Variants in PIWIL3 observed in about 807,000 individuals in gnomAD.
PIWIL3 encodes piwi like RNA-mediated gene silencing 3.
Under a neutral mutation model 109.7 loss-of-function variants are expected in PIWIL3, and 101 were observed. That is an observed-to-expected ratio of 0.92 (90% CI 0.78 to 1.09). The LOEUF (loss-of-function observed/expected upper bound fraction) is 1.09, where lower values mean the gene tolerates loss of function less well. PIWIL3 is among the 50% of genes least tolerant of loss of function. PIWIL3 has a pLI of 0.00. For synonymous variants in PIWIL3, 373 were observed against 376.4 expected, an observed-to-expected ratio of 0.99 and a Z score of 0.10; for missense variants, 1,031 against 1,072.6, an observed-to-expected ratio of 0.96 and a Z score of 0.54.
intron 1 of PIWIL3, among the ~76,000 whole-genome samples, chr22:24,771,642 A>G (rs1195435626): frequency 1.3e-5 from 2 of 152,164 alleles, no homozygotes; most frequent in Non-Finnish European, 2.9e-5. Flanking sequence ...CTTGTCCTTC[A>G]TAACCAACAT....
chr22:24,745,210 A>G lies in PIWIL3; in HGVS notation c.1449+3697T>C, dbSNP rs1249745492. 7.9e-5 allele frequency among the ~76,000 whole-genome samples: 12 copies of G among 152,364 alleles called. No homozygotes were observed. In the East Asian group the frequency reaches 2.1e-3, roughly 27 times the overall value. ...TGACATACCAAAACCTATGGGATACAGCGAAAGCAGTAATAAGAGGGAATT... is the reference window on the plus strand; with the variant it reads ...TGACATACCAAAACCTATGGGATACGGCGAAAGCAGTAATAAGAGGGAATT... On this transcript the variant is annotated intron_variant, in intron 12 of 20. Coordinates refer to ENST00000616349, the MANE Select transcript of PIWIL3 (RefSeq NM_001255975.1).
intron 12 of PIWIL3, among the ~76,000 whole-genome samples, chr22:24,739,018 G>C: frequency 6.6e-6 from 1 of 152,170 alleles, no homozygotes; most frequent in East Asian, 1.9e-4. Flanking sequence ...CTACAAAGAG[G>C]TTGAAATAAT....
intron 12 of PIWIL3, among the ~76,000 whole-genome samples, chr22:24,737,824 C>T (rs941977800): frequency 6.6e-6 from 1 of 152,126 alleles, no homozygotes; most frequent in Middle Eastern, 3.2e-3. Context: ...TCCCTATGGG[C>T]CTGTGGTGGT....
At chr22:24,719,704 T>C (rs1381006200) in intron 20 of PIWIL3, 44 bp downstream of exon 20, 3 of 1,578,060 alleles carry the variant, frequency 1.9e-6, no homozygotes, top group Non-Finnish European at 2.6e-6. Flanking sequence ...TGTTGAATAG[T>C]ACATTTAAAA....
At chr22:24,747,175 A>G (rs973074199) in intron 12 of PIWIL3, among the ~76,000 whole-genome samples, 2 of 152,148 alleles carry the variant, frequency 1.3e-5, no homozygotes, top group Non-Finnish European at 2.9e-5. Context: ...AAATAAATCC[A>G]TATCTACTGT....
intron 4 of PIWIL3, 81 bp downstream of exon 4, chr22:24,757,827 G>T: frequency 6.9e-7 from 1 of 1,452,228 alleles, no homozygotes; most frequent in Non-Finnish European, 9.2e-7. Context: ...GACAGAGCAG[G>T]ACCTTGTCTC....
At chr22:24,762,358 C>G (rs921852690) in intron 2 of PIWIL3, 40 bp downstream of exon 2, 2 of 1,595,430 alleles carry the variant, frequency 1.3e-6, no homozygotes, top group Admixed American at 3.5e-5. Context: ...AGTACAGGCA[C>G]ATATCTCTTG....
chr22:24,724,808 G>A (rs1922894414), intron 18 of PIWIL3, 79 bp downstream of exon 18: 6 of 1,460,522 alleles, frequency 4.1e-6, no homozygotes. Context: ...CTGGGCTCAA[G>A]GGATCTGCCC....
At chr22:24,734,728 G>T (rs1170914495) in intron 13 of PIWIL3, among the ~76,000 whole-genome samples, 3 of 152,034 alleles carry the variant, frequency 2.0e-5, no homozygotes, top group Non-Finnish European at 4.4e-5. Context: ...TTCCAGCAGG[G>T]GGAGGGGAAA....
chr22:24,743,275 G>C (rs1264925723), intron 12 of PIWIL3, among the ~76,000 whole-genome samples: 1 of 152,082 alleles, frequency 6.6e-6, no homozygotes, highest in Non-Finnish European at 1.5e-5. Flanking sequence ...CAACCACTCT[G>C]GAAAACAGTG....
chr22:24,754,266 C>G (rs1171899129), intron 7 of PIWIL3, 49 bp from the exon 8 acceptor site: 1 of 1,490,592 alleles, frequency 6.7e-7, no homozygotes, highest in South Asian at 1.2e-5. Flanking sequence ...CACATAAAGC[C>G]AAGGGTTTCC....
chr22:24,769,262 C>G (rs1388324648), intron 1 of PIWIL3, among the ~76,000 whole-genome samples: 1 of 152,136 alleles, frequency 6.6e-6, no homozygotes, highest in Non-Finnish European at 1.5e-5. Context: ...GCAGGAATGT[C>G]CAATCTTTTG....
chr22:24,744,177 T>TAAA (rs751591202), intron 12 of PIWIL3, among the ~76,000 whole-genome samples: 1 of 35,840 alleles, frequency 2.8e-5, no homozygotes, highest in African/African-American at 1.2e-4. Context: ...AGTGACCGAA[T>TAAA]TAAAAAAAAA....
chr22:24,773,703 ATTTTTTTTTTT>A (rs61034646), intron 1 of PIWIL3, among the ~76,000 whole-genome samples: 2 of 110,202 alleles, frequency 1.8e-5, no homozygotes, highest in Admixed American at 1.0e-4. Context: ...GACACTCTAG[ATTTTTTTTTTT>A]TTTTTTTTTT....
At chr22:24,756,818 G>A (rs996300715) in intron 4 of PIWIL3, 113 bp from the exon 5 acceptor site, 31 of 905,174 alleles carry the variant, frequency 3.4e-5, no homozygotes, top group Non-Finnish European at 5.1e-5. Context: ...GGTGGCTCAC[G>A]CCTCTAATCC....
intron 12 of PIWIL3, among the ~76,000 whole-genome samples, chr22:24,736,620 G>GA: frequency 6.6e-6 from 1 of 152,284 alleles, no homozygotes; most frequent in Non-Finnish European, 1.5e-5. Context: ...ACCTTCATAG[G>GA]AACCAAACAT....
intron 8 of PIWIL3, among the ~76,000 whole-genome samples, chr22:24,753,615 C>T (rs1034580791): frequency 1.3e-5 from 2 of 152,146 alleles, no homozygotes; most frequent in Admixed American, 1.3e-4. Context: ...TTCTTTAAAT[C>T]CATTCTCTTA....
chr22:24,722,166 T>C (rs1016257259), intron 19 of PIWIL3, among the ~76,000 whole-genome samples: 3 of 152,172 alleles, frequency 2.0e-5, no homozygotes, highest in African/African-American at 7.2e-5. Flanking sequence ...CACTGCAAGC[T>C]CCGCCTCCCT....
At chr22:24,768,686 G>A (rs1276537495) in intron 1 of PIWIL3, among the ~76,000 whole-genome samples, 1 of 152,220 alleles carries the variant, frequency 6.6e-6, no homozygotes, top group East Asian at 1.9e-4. Context: ...GCCAGCCACT[G>A]TGAACAGACA....
Sources: gnomAD v4.1 joint callset for allele counts (sites outside exome capture counted in the v4.1 genomes callset) on GRCh38, gnomAD v4.1.1 for gene constraint, MANE v1.5 for transcripts, NCBI Gene and HGNC (gene_info 2026-07-23, HGNC 2026-07-21) for gene names.